Variants in SYT10 observed in about 807,000 individuals in gnomAD.
SYT10 encodes synaptotagmin-10.
A neutral mutation model predicts 51.1 loss-of-function variants in SYT10; 31 were observed. The observed-to-expected ratio is 0.61, with a 90% CI of 0.46 to 0.82. SYT10 has a LOEUF of 0.82. SYT10 is among the 40% of genes least tolerant of loss of function. The probability of loss-of-function intolerance (pLI) is 0.00; values close to 1 mark genes in which losing one functional copy is unlikely to be tolerated. For missense variants in SYT10, 603 were observed against 634.0 expected (o/e 0.95, Z 0.53); for synonymous variants, 233 against 225.9 (o/e 1.03, Z -0.28).
intron 2 of SYT10, among the ~76,000 whole-genome samples, chr12:33,422,935 A>G (rs147279055): frequency 2.0e-5 from 3 of 152,316 alleles, no homozygotes; most frequent in African/African-American, 7.2e-5. Flanking sequence ...AGTGAAAGAT[A>G]CGTTGACTAT....
intron 3 of SYT10, among the ~76,000 whole-genome samples, chr12:33,391,428 G>A (rs1219631349): frequency 6.6e-6 from 1 of 152,060 alleles, no homozygotes; most frequent in Non-Finnish European, 1.5e-5. Flanking sequence ...AAACAGAGGG[G>A]TCAGCTTATA....
At chr12:33,437,480 C>T (rs531883965) in intron 1 of SYT10, among the ~76,000 whole-genome samples, 2 of 152,254 alleles carry the variant, frequency 1.3e-5, no homozygotes, top group African/African-American at 2.4e-5. Flanking sequence ...TACAGTTGTG[C>T]ATTTTGGACA....
intron 5 of SYT10, 99 bp from the exon 6 acceptor site, chr12:33,380,060 AG>A: frequency 7.5e-7 from 1 of 1,342,114 alleles, no homozygotes; most frequent in Non-Finnish European, 1.0e-6. Flanking sequence ...TTAAAACATT[AG>A]ATTCTGTAAT....
In SYT10 at chr12:33,426,936, C is replaced by T. The variant is rs192986844; in HGVS notation, c.152-441G>A. 4.2e-3 allele frequency among the ~76,000 whole-genome samples: 636 copies of T among 152,218 alleles called. 5 individuals are homozygous for T. The highest frequency in any genetic ancestry group is 6.0e-3 in the Non-Finnish European group (407 of 68,014). On this transcript the variant is annotated intron_variant, in intron 1 of 6. Transcript: ENST00000228567. ...GAATCATATTAAATATTTCTGTAAA[C>T]GGTTTTCAACAGTATAAATGAGAAT...
intron 2 of SYT10, among the ~76,000 whole-genome samples, chr12:33,408,478 T>C (rs923250745): frequency 1.3e-5 from 2 of 152,204 alleles, no homozygotes; most frequent in Non-Finnish European, 2.9e-5. Flanking sequence ...TACATGTGAC[T>C]TGCATTAAAG....
intron 2 of SYT10, chr12:33,423,772 T>C (rs1866525531): frequency 2.9e-6 from 1 of 350,058 alleles, no homozygotes; most frequent in Non-Finnish European, 5.6e-6. Flanking sequence ...CCCTTTGGCG[T>C]TTATGCTTAA....
chr12:33,416,030 C>T (rs1441250655), intron 2 of SYT10, among the ~76,000 whole-genome samples: 1 of 150,182 alleles, frequency 6.7e-6, no homozygotes, highest in Non-Finnish European at 1.5e-5. Flanking sequence ...ACCAGCTTGC[C>T]AGTGAAGTAA....
chr12:33,413,180 A>G (rs1866422927), intron 2 of SYT10, among the ~76,000 whole-genome samples: 2 of 152,210 alleles, frequency 1.3e-5, no homozygotes, highest in African/African-American at 2.4e-5. Context: ...ATATGGGACT[A>G]TGTGAAAAGA....
intron 1 of SYT10, among the ~76,000 whole-genome samples, chr12:33,429,321 G>A (rs553682068): frequency 3.0e-4 from 45 of 152,168 alleles, no homozygotes; most frequent in Non-Finnish European, 5.9e-4. Context: ...GAGGAGTTAG[G>A]GTTAACTGTC....
intron 3 of SYT10, among the ~76,000 whole-genome samples, chr12:33,394,023 A>C (rs1866232734): frequency 6.6e-6 from 1 of 152,144 alleles, no homozygotes; most frequent in Non-Finnish European, 1.5e-5. Context: ...GATGGGTGTA[A>C]GATCCTTGCT....
At chr12:33,397,684 A>G (rs568306243) in intron 3 of SYT10, among the ~76,000 whole-genome samples, 1 of 152,162 alleles carries the variant, frequency 6.6e-6, no homozygotes, top group East Asian at 1.9e-4. Context: ...TGGTGAGGGA[A>G]CAGAGGGAAC....
At chr12:33,412,501 T>TA (rs1228466664) in intron 2 of SYT10, among the ~76,000 whole-genome samples, 1 of 152,178 alleles carries the variant, frequency 6.6e-6, no homozygotes, top group Non-Finnish European at 1.5e-5. Flanking sequence ...ATTTGACTGT[T>TA]ACTAACGCCA....
chr12:33,403,422 G>A (rs12424970), intron 3 of SYT10, among the ~76,000 whole-genome samples: 5 of 151,442 alleles, frequency 3.3e-5, no homozygotes, highest in Non-Finnish European at 7.4e-5. Flanking sequence ...GTAGAGACGG[G>A]GCTTCACTCA....
chr12:33,406,662 C>A lies in SYT10; in HGVS notation c.1077+127G>T, dbSNP rs140528645. ...TATTATTAGTAGAAATGAAATTCTA[C>A]CTTTGCAGGATCTTAGACATAAATT... On this transcript the variant is annotated intron_variant, in intron 3 of 6. Coordinates refer to ENST00000228567, the MANE Select transcript of SYT10 (RefSeq NM_198992.4). The A allele has an allele frequency of 0.013, 10,172 of 778,866 alleles. 105 individuals are homozygous for A. The highest frequency in any genetic ancestry group is 0.017 in the Non-Finnish European group (8,800 of 512,310). The allele number at this position is 778,866 out of a possible 1,614,324, so 48.2% of individuals were successfully genotyped here.
intron 1 of SYT10, among the ~76,000 whole-genome samples, chr12:33,431,266 T>C (rs1439365229): frequency 2.0e-5 from 3 of 152,294 alleles, no homozygotes; most frequent in African/African-American, 4.8e-5. Context: ...CATGTGGCTA[T>C]ACCAAACTGG....
intron 3 of SYT10, among the ~76,000 whole-genome samples, chr12:33,399,698 T>C (rs7970142): frequency 0.038 from 5,842 of 152,274 alleles, 358 homozygotes; most frequent in African/African-American, 0.13. Context: ...AATCATACTT[T>C]GGGAACTGAA....
chr12:33,417,293 GT>G (rs752145314), intron 2 of SYT10, among the ~76,000 whole-genome samples: 37 of 152,062 alleles, frequency 2.4e-4, no homozygotes, highest in Non-Finnish European at 4.1e-4. Flanking sequence ...TAATAGATTT[GT>G]GGATGATCTC....
chr12:33,404,841 A>T (rs768466299), intron 3 of SYT10: 3 of 152,230 alleles, frequency 2.0e-5, no homozygotes, highest in Non-Finnish European at 4.4e-5. Flanking sequence ...GGTAATTTTT[A>T]TAGCAGAAAT....
At chr12:33,421,890 G>A (rs187873557) in intron 2 of SYT10, among the ~76,000 whole-genome samples, 1 of 152,166 alleles carries the variant, frequency 6.6e-6, no homozygotes, top group Non-Finnish European at 1.5e-5. Context: ...AAAGCAGCAT[G>A]AACAAAAGCA....
Sources: allele counts gnomAD v4.1 joint callset (sites outside exome capture counted in the v4.1 genomes callset), GRCh38; gene constraint gnomAD v4.1.1; transcripts MANE v1.5; gene names NCBI Gene and HGNC (gene_info 2026-07-23, HGNC 2026-07-21).